Variants in ENAM observed in about 807,000 individuals in gnomAD.
ENAM encodes the protein enamelin, also known as amelogenesis imperfecta 2, hypocalcification (autosomal dominant).
In ENAM, 21 loss-of-function variants were observed where a neutral mutation model predicts 33.6. That is an observed-to-expected ratio of 0.63 (90% CI 0.44 to 0.90). The LOEUF (loss-of-function observed/expected upper bound fraction) is 0.90, where lower values mean the gene tolerates loss of function less well. Among genes scored for constraint, ENAM ranks in the 40% least tolerant of loss-of-function variants. The pLI, the probability that ENAM is intolerant of heterozygous loss-of-function variation, is 0.00. For synonymous variants in ENAM, 473 were observed against 468.4 expected, an observed-to-expected ratio of 1.01 and a Z score of -0.13; for missense variants, 1,388 against 1,366.9, an observed-to-expected ratio of 1.02 and a Z score of -0.24.
In ENAM at chr4:70,644,597, C is replaced by CT; in HGVS notation, c.3174dup (p.Gly1059TrpfsTer17). 6.2e-7 allele frequency: 1 copy of CT among 1,613,104 alleles called. No individual in the cohort carries two copies. Among genetic ancestry groups the CT allele is most frequent in the Non-Finnish European group, 8.5e-7 (1 of 1,179,256 alleles). ...CATCTAACATTCTGCATTTGCCATG[C>CT]TTTGGCTCCAAATTAGCAAAGCATC... On this transcript the variant is annotated frameshift_variant, in exon 9 of 9. Coordinates refer to ENST00000396073, the MANE Select transcript of ENAM (RefSeq NM_031889.3). LOFTEE classifies it high-confidence loss of function.
In ENAM at chr4:70,646,683, G is replaced by T. The variant is rs983465247; in HGVS notation, c.*1828G>T. On this transcript the variant is annotated 3_prime_UTR_variant, in exon 9 of 9. Transcript: ENST00000396073. ...AGGGATCTTAGAGGTAGATTATCCA[G>T]GCCATCCCCTACTGCTTACATTCCC... 3 of 151,650 alleles carry T rather than the reference G, an allele frequency of 2.0e-5. No individual in the cohort carries two copies. Among genetic ancestry groups the T allele is most frequent in the South Asian group, 4.2e-4 (2 of 4,818 alleles). 9.4% of individuals were successfully genotyped at this position (151,650 alleles called of 1,614,324 possible).
chr4:70,637,640 G>A lies in ENAM; in HGVS notation c.535-150G>A, dbSNP rs1275130038. 3.6e-5 allele frequency: 26 copies of A among 721,718 alleles called. No homozygotes were observed. In the East Asian group the frequency reaches 6.5e-4, roughly 18 times the overall value. The allele number at this position is 721,718 out of a possible 1,614,324, so 44.7% of individuals were successfully genotyped here. A position where few individuals can be genotyped will look rare whatever the true frequency, so the allele number is the denominator to read the frequency against. ...TCATAATTCTTAGCAGCTGGACTGT[G>A]AGAGCTAATAACTCAAACGCTAAAA... On this transcript the variant is annotated intron_variant, in intron 7 of 8. Coordinates refer to ENST00000396073, the MANE Select transcript of ENAM (RefSeq NM_031889.3).
At chr4:70,636,960 A>C (rs955636110) in intron 7 of ENAM, among the ~76,000 whole-genome samples, 1 of 152,232 alleles carries the variant, frequency 6.6e-6, no homozygotes, top group Non-Finnish European at 1.5e-5. Flanking sequence ...ACAAAACAAC[A>C]GGAAATATTT....
At chr4:70,635,743 C>A in intron 6 of ENAM, 89 bp from the exon 7 acceptor site, 1 of 842,510 alleles carries the variant, frequency 1.2e-6, no homozygotes, top group Non-Finnish European at 2.0e-6. Flanking sequence ...TGTAGACTCC[C>A]AAGTTTCAAT....
chr4:70,641,565 T>C (rs1242688044), intron 8 of ENAM, among the ~76,000 whole-genome samples: 1 of 151,882 alleles, frequency 6.6e-6, no homozygotes, highest in Non-Finnish European at 1.5e-5. Flanking sequence ...AATTTTTGTA[T>C]TTTTAGTAAA....
At position 70,642,802 on chromosome 4, in the gene ENAM, G is replaced by C; in HGVS notation, c.1376G>C (p.Arg459Thr). The C allele has an allele frequency of 1.2e-6, 2 of 1,614,016 alleles. No individual in the cohort carries two copies. Among genetic ancestry groups the C allele is most frequent in the South Asian group, 1.1e-5 (1 of 91,054 alleles). Residue 459 changes from arginine (R) to threonine (T), a missense_variant, in exon 9 of 9, where the codon AGA (arginine) becomes ACA (threonine). By Grantham distance (71) the Arg-to-Thr change is moderately conservative. Transcript: ENST00000396073. ...VPTKNPTSPW[R>T]NSQQYEVNKS... ...ACAAAGAATCCAACCAGCCCCTGGA[G>C]AAACTCTCAACAGTATGAAGTTAAT...
At position 70,646,771 on chromosome 4, in the gene ENAM, A is replaced by C. The variant is rs1455351461; in HGVS notation, c.*1916A>C. 6.6e-6 allele frequency: 1 copy of C among 152,212 alleles called. No individual in the cohort carries two copies. The highest frequency in any genetic ancestry group is 1.5e-5 in the Non-Finnish European group (1 of 68,032). The allele number at this position is 152,212 out of a possible 1,614,324, so 9.4% of individuals were successfully genotyped here. ...AAAAATTCATTAACTTATTCTGTATAAAACTGTCTTTTAAGAATTATCCTT... is the reference window on the plus strand; with the variant it reads ...AAAAATTCATTAACTTATTCTGTATCAAACTGTCTTTTAAGAATTATCCTT... On this transcript the variant is annotated 3_prime_UTR_variant, in exon 9 of 9. Transcript: ENST00000396073.
chr4:70,629,504 T>C lies in ENAM; in HGVS notation c.4T>C (p.Leu2=), dbSNP rs1738255891. 2 of 1,613,172 alleles carry C rather than the reference T, an allele frequency of 1.2e-6. No individual in the cohort carries two copies. The highest frequency in any genetic ancestry group is 1.7e-6 in the Non-Finnish European group (2 of 1,179,340). ...TATAAAAATTTTGCTGAAAAAAATG[T>C]TGGTGCTTCGGTGCAGGCTTGGAAC... M[L]VLRCRLGTSF... is the part of the protein sequence containing the mutation. The change falls in exon 2 of 9, where the codon TTG becomes CTG. Residue 2 remains leucine, a synonymous_variant. Transcript: ENST00000396073.
rs367579081 is a variant in ENAM at position 70,642,456 on chromosome 4, A to C, written c.1030A>C (p.Arg344=). 5.6e-6 allele frequency: 9 copies of C among 1,614,038 alleles called. No individual in the cohort carries two copies. Among genetic ancestry groups the C allele is most frequent in the Non-Finnish European group, 6.8e-6 (8 of 1,179,978 alleles). The change falls in exon 9 of 9, where the codon AGA becomes CGA. Residue 344 remains arginine (R), a synonymous_variant. Coordinates refer to ENST00000396073, the MANE Select transcript of ENAM (RefSeq NM_031889.3). ...WYFTGTVMGH[R]QNRPFYRNQQ... ...TTTCACTGGTACTGTCATGGGGCAC[A>C]GACAGAATAGGCCTTTTTACAGAAA...
In ENAM at chr4:70,645,843, A is replaced by G. The variant is rs979569087; in HGVS notation, c.*988A>G. The G allele has an allele frequency of 6.6e-6, 1 of 152,192 alleles. No homozygotes were observed. Among genetic ancestry groups the G allele is most frequent in the Non-Finnish European group, 1.5e-5 (1 of 68,038 alleles). 9.4% of individuals were successfully genotyped at this position (152,192 alleles called of 1,614,324 possible). A position where few individuals can be genotyped will look rare whatever the true frequency, so the allele number is the denominator to read the frequency against. On this transcript the variant is annotated 3_prime_UTR_variant, in exon 9 of 9. Transcript: ENST00000396073. ...AGACACAGTTCAGTTAGAGAGACGTATTTAAGGAGAAGGGAAGGCAGGATA... is the reference window on the plus strand; with the variant it reads ...AGACACAGTTCAGTTAGAGAGACGTGTTTAAGGAGAAGGGAAGGCAGGATA...
In ENAM at chr4:70,642,182, T is replaced by A; in HGVS notation, c.756T>A (p.Asn252Lys). 6.2e-7 allele frequency: 1 copy of A among 1,614,136 alleles called. No individual in the cohort carries two copies. Reference sequence around the variant, plus strand: ...CTAATTCAACAGTCACTGAGACGAATTCTACCCAACCAAATCCTAAAGGGA... The same window carrying A: ...CTAATTCAACAGTCACTGAGACGAAATCTACCCAACCAAATCCTAAAGGGA... ...PTANSTVTET[N>K]STQPNPKGSQ... The change falls in exon 9 of 9, where the codon AAT (asparagine) becomes AAA (lysine). Residue 252 changes from asparagine (N) to lysine (K), a missense_variant. Transcript: ENST00000396073.
chr4:70,630,540 C>T (rs1738284954), intron 2 of ENAM, among the ~76,000 whole-genome samples: 1 of 152,020 alleles, frequency 6.6e-6, no homozygotes, highest in Non-Finnish European at 1.5e-5. Flanking sequence ...AACCTTGTTC[C>T]AAGATGTAAA....
rs779220615 is a variant in ENAM, at chr4:70,643,849, C to T, written c.2423C>T (p.Pro808Leu). ...ARPPDQKGNQ[P>L]YYSNTPAGLQ... is the part of the protein sequence containing the mutation. ...CCACCAGACCAGAAAGGTAACCAGC[C>T]CTATTACAGTAACACCCCAGCTGGG... The change falls in exon 9 of 9, where the codon CCC (proline) becomes CTC (leucine). Residue 808 changes from proline (P) to leucine (L), a missense_variant. Coordinates refer to ENST00000396073, the MANE Select transcript of ENAM (RefSeq NM_031889.3). 16 of 1,614,004 alleles carry T rather than the reference C, an allele frequency of 9.9e-6. No homozygotes were observed. The highest frequency in any genetic ancestry group is 1.4e-5 in the Non-Finnish European group (16 of 1,180,026).
At position 70,642,579 on chromosome 4, in the gene ENAM, C is replaced by G. The variant is rs772524264; in HGVS notation, c.1153C>G (p.Pro385Ala). The G allele has an allele frequency of 1.2e-6, 2 of 1,614,038 alleles. No individual in the cohort carries two copies. The highest frequency in any genetic ancestry group is 4.5e-5 in the East Asian group (2 of 44,882). The stretch of plus-strand genomic sequence containing the variant: ...TCCAGTTTATCACAAAGCTTACCCT[C>G]CTACTTCAAGAGGCAATTATCCCAA... ...GNPVYHKAYP[P>A]TSRGNYPNYA... Residue 385 changes from proline to alanine, a missense_variant, in exon 9 of 9, where the codon CCT (proline) becomes GCT (alanine). By Grantham distance (27) the Pro-to-Ala change is conservative. Transcript: ENST00000396073.
In ENAM at chr4:70,629,529, C is replaced by T; in HGVS notation, c.29C>T (p.Thr10Ile). 6.2e-7 allele frequency: 1 copy of T among 1,613,268 alleles called. No individual in the cohort carries two copies. Among genetic ancestry groups the T allele is most frequent in the Non-Finnish European group, 8.5e-7 (1 of 1,179,434 alleles). Residue 10 changes from threonine to isoleucine, a missense_variant, in exon 2 of 9, where the codon ACC becomes ATC. Thr to Ile is a moderately conservative substitution (Grantham distance 89, BLOSUM62 -1). Coordinates refer to ENST00000396073, the MANE Select transcript of ENAM (RefSeq NM_031889.3). ...TTGGTGCTTCGGTGCAGGCTTGGAA[C>T]CTCTTTTCCTAAACTAGATAACTTG... is the stretch of plus-strand genomic sequence containing the variant. MLVLRCRLG[T>I]SFPKLDNLVP...
At chr4:70,633,764 C>A (rs1300613151) in intron 5 of ENAM, among the ~76,000 whole-genome samples, 1 of 152,008 alleles carries the variant, frequency 6.6e-6, no homozygotes, top group Non-Finnish European at 1.5e-5. Flanking sequence ...TGTGGTGATT[C>A]TGATAAAAAA....
In ENAM at chr4:70,629,490, T is replaced by C; in HGVS notation, c.-11T>C. ...TTTTCTTAAAGGCTTATAAAAATTT[T>C]GCTGAAAAAAATGTTGGTGCTTCGG... On this transcript the variant is annotated 5_prime_UTR_variant, in exon 2 of 9. Coordinates refer to ENST00000396073, the MANE Select transcript of ENAM (RefSeq NM_031889.3). 1.9e-6 allele frequency: 3 copies of C among 1,611,126 alleles called. No homozygotes were observed. Among genetic ancestry groups the C allele is most frequent in the Non-Finnish European group, 2.5e-6 (3 of 1,177,384 alleles).
chr4:70,643,095 A>G lies in ENAM; in HGVS notation c.1669A>G (p.Lys557Glu). 6.2e-7 allele frequency: 1 copy of G among 1,614,028 alleles called. No homozygotes were observed. The highest frequency in any genetic ancestry group is 8.5e-7 in the Non-Finnish European group (1 of 1,180,008). ...CCCTGAGGAAATCCCTTCTCCTGCA[A>G]AAGAACATTTTCCTGCTGGAAGAAA... ...VYPEEIPSPA[K>E]EHFPAGRNTW... Residue 557 changes from lysine (K) to glutamate (E), a missense_variant, in exon 9 of 9, where the codon AAA (lysine) becomes GAA (glutamate). Transcript: ENST00000396073.
intron 8 of ENAM, among the ~76,000 whole-genome samples, chr4:70,641,118 C>G (rs1444313365): frequency 1.3e-5 from 2 of 152,172 alleles, no homozygotes; most frequent in East Asian, 3.8e-4. Flanking sequence ...ACTTAAGAAA[C>G]TGTACAGATA....
Sources: gnomAD v4.1 joint callset for allele counts (sites outside exome capture counted in the v4.1 genomes callset) on GRCh38, gnomAD v4.1.1 for gene constraint, MANE v1.5 for transcripts, NCBI Gene and HGNC (gene_info 2026-07-23, HGNC 2026-07-21) for gene names.